CNTN1: variants seen among roughly 807,000 people sequenced by gnomAD.
CNTN1 encodes the protein contactin-1.
In CNTN1, 38 loss-of-function variants were observed where a neutral mutation model predicts 126.4. The ratio of observed to expected loss-of-function variants is 0.30; its 90% CI spans 0.23 to 0.39. CNTN1 has a LOEUF of 0.39. Among genes scored for constraint, CNTN1 ranks in the 10% least tolerant of loss-of-function variants. The probability of loss-of-function intolerance (pLI) is 1.00; values close to 1 mark genes in which losing one functional copy is unlikely to be tolerated. For synonymous variants in CNTN1, 413 were observed against 422.6 expected (o/e 0.98, Z 0.28); for missense variants, 1,009 against 1,248.4 (o/e 0.81, Z 2.89).
intron 1 of CNTN1, among the ~76,000 whole-genome samples, chr12:40,757,203 C>G (rs1183759345): frequency 2.0e-5 from 3 of 151,990 alleles, no homozygotes; most frequent in Admixed American, 2.0e-4. Flanking sequence ...CTCCTATGAT[C>G]TCATCTAAGT....
At chr12:40,900,587 G>T (rs1944569075) in intron 1 of CNTN1, among the ~76,000 whole-genome samples, 1 of 152,176 alleles carries the variant, frequency 6.6e-6, no homozygotes, top group Admixed American at 6.5e-5. Context: ...ACATGCTAAT[G>T]GAAAATGGAG....
intron 1 of CNTN1, among the ~76,000 whole-genome samples, chr12:40,805,125 A>G (rs1468293890): frequency 6.6e-6 from 1 of 151,916 alleles, no homozygotes; most frequent in Non-Finnish European, 1.5e-5. Context: ...TGATGTATCT[A>G]TGTGTTGTAT....
intron 1 of CNTN1, among the ~76,000 whole-genome samples, chr12:40,693,572 G>A (rs1941362913): frequency 6.6e-6 from 1 of 152,224 alleles, no homozygotes; most frequent in Non-Finnish European, 1.5e-5. Flanking sequence ...AAATTGGGAT[G>A]ATGGGAAAGA....
chr12:40,763,975 G>C lies in CNTN1; in HGVS notation c.-77+71383G>C, dbSNP rs1031165759. On this transcript the variant is annotated intron_variant, in intron 1 of 23. Coordinates refer to ENST00000551295, the MANE Select transcript of CNTN1 (RefSeq NM_001843.4). ...TCTTATAGCATGGGGTGTAGGAGAT[G>C]GGGGCGGAAATAGCATGAGCCAAGC... Among the ~76,000 whole-genome samples the C allele has an allele frequency of 2.6e-5, 4 of 152,126 alleles. No homozygotes were observed. In the East Asian group the frequency reaches 7.7e-4, roughly 29 times the overall value.
chr12:40,807,466 G>T (rs763338602), intron 1 of CNTN1, among the ~76,000 whole-genome samples: 2 of 152,072 alleles, frequency 1.3e-5, no homozygotes, highest in Non-Finnish European at 2.9e-5. Context: ...CTCTAGCCTT[G>T]TCTAAAAGCT....
chr12:40,730,646 G>A (rs1379731664), intron 1 of CNTN1, among the ~76,000 whole-genome samples: 1 of 152,142 alleles, frequency 6.6e-6, no homozygotes, highest in African/African-American at 2.4e-5. Context: ...CATTATTAGA[G>A]TGGACTTAAT....
Position 40,830,382 on chromosome 12 carries a change from G to A in CNTN1, c.-76-77975G>A, listed in dbSNP as rs561314317. On this transcript the variant is annotated intron_variant, in intron 1 of 23. Transcript: ENST00000551295. ...GTGATTATTATGGCAACATATAATC[G>A]TATTAGATATAATTGGAAATGGAGA... Among the ~76,000 whole-genome samples the A allele has an allele frequency of 3.3e-5, 5 of 151,852 alleles. No individual in the cohort carries two copies. The South Asian group carries it at 6.3e-4, about 19-fold the overall frequency.
At chr12:40,993,067 A>G in intron 16 of CNTN1, 53 bp from the exon 17 acceptor site, 1 of 1,521,268 alleles carries the variant, frequency 6.6e-7, no homozygotes, top group Non-Finnish European at 9.1e-7. Context: ...GGAAGTTATA[A>G]AAGTGATAAG....
chr12:40,980,428 G>A (rs144121536), intron 15 of CNTN1, among the ~76,000 whole-genome samples: 11 of 138,022 alleles, frequency 8.0e-5, no homozygotes, highest in African/African-American at 2.7e-4. Flanking sequence ...CAGCCTGGGT[G>A]ACAGAGTGAG....
intron 22 of CNTN1, 31 bp from the exon 23 acceptor site, chr12:41,029,032 A>G (rs1949090110): frequency 5.0e-6 from 8 of 1,608,014 alleles, no homozygotes; most frequent in Non-Finnish European, 6.8e-6. Context: ...TTATGACTTT[A>G]CTGCATATTT....
intron 1 of CNTN1, among the ~76,000 whole-genome samples, chr12:40,882,852 T>G (rs1296103621): frequency 6.6e-6 from 1 of 151,662 alleles, no homozygotes. Context: ...TTATTTTTTT[T>G]CTTACTTGCT....
rs771005954 is a variant in CNTN1, at chr12:41,066,696, TG to T, written c.2981-3262del. Reference sequence around the variant, plus strand: ...AGATTGAAGAATCAGAAAGGAAGTTTGTATTAAAAACCAAGTAGAGCAGTTT... The same window carrying T: ...AGATTGAAGAATCAGAAAGGAAGTTTTATTAAAAACCAAGTAGAGCAGTTT... On this transcript the variant is annotated intron_variant, in intron 23 of 23. Coordinates refer to ENST00000551295, the MANE Select transcript of CNTN1 (RefSeq NM_001843.4). Among the ~76,000 whole-genome samples, 117 of 152,316 alleles carry T rather than the reference TG, an allele frequency of 7.7e-4. 1 individual carries two copies. The highest frequency in any genetic ancestry group is 1.2e-4 in the Non-Finnish European group (8 of 68,020).
chr12:40,953,021 G>T (rs1946745424), intron 14 of CNTN1, among the ~76,000 whole-genome samples: 1 of 152,024 alleles, frequency 6.6e-6, no homozygotes, highest in Admixed American at 6.6e-5. Flanking sequence ...GTACCATATA[G>T]AATCTTTCTT....
chr12:40,908,524 T>C (rs867014797), intron 2 of CNTN1, 31 bp downstream of exon 2: 2 of 1,455,472 alleles, frequency 1.4e-6, no homozygotes, highest in Middle Eastern at 2.1e-4. Context: ...ATTCTACATA[T>C]ATTATGTCAA....
intron 23 of CNTN1, among the ~76,000 whole-genome samples, chr12:41,054,685 TTACAC>T: frequency 6.6e-6 from 1 of 152,222 alleles, no homozygotes; most frequent in South Asian, 2.1e-4. Context: ...TGTCTTTAAA[TTACAC>T]TATCAGTTGC....
intron 19 of CNTN1, among the ~76,000 whole-genome samples, chr12:41,018,507 ATATG>A (rs1477275990): frequency 1.3e-5 from 2 of 152,070 alleles, no homozygotes; most frequent in Non-Finnish European, 2.9e-5. Flanking sequence ...TGTATTCTAT[ATATG>A]TATGTCATAA....
At chr12:40,971,545 T>G (rs761373611) in intron 15 of CNTN1, 1 of 1,487,934 alleles carries the variant, frequency 6.7e-7, no homozygotes, top group Non-Finnish European at 9.1e-7. Flanking sequence ...GTGAAAGACT[T>G]TTTTTTTTTT....
intron 1 of CNTN1, among the ~76,000 whole-genome samples, chr12:40,882,781 T>C (rs911217713): frequency 6.6e-6 from 1 of 151,682 alleles, no homozygotes; most frequent in African/African-American, 2.4e-5. Context: ...ATGCTTTGAA[T>C]TTAACATATT....
intron 1 of CNTN1, among the ~76,000 whole-genome samples, chr12:40,875,186 C>T (rs1468997999): frequency 6.6e-6 from 1 of 152,072 alleles, no homozygotes; most frequent in African/African-American, 2.4e-5. Flanking sequence ...ATTGTTTAAT[C>T]TGATTTTTAA....
Sources: gnomAD v4.1 joint callset for allele counts (sites outside exome capture counted in the v4.1 genomes callset) on GRCh38, gnomAD v4.1.1 for gene constraint, MANE v1.5 for transcripts, NCBI Gene and HGNC (gene_info 2026-07-23, HGNC 2026-07-21) for gene names.